Variants in ARPP21 observed in about 807,000 individuals in gnomAD.
ARPP21 encodes cAMP-regulated phosphoprotein 21.
A neutral mutation model predicts 113.2 loss-of-function variants in ARPP21; 69 were observed. The observed-to-expected ratio is 0.61, with a 90% confidence interval of 0.50 to 0.74. ARPP21 has a LOEUF of 0.74. ARPP21 is among the 30% of genes least tolerant of loss of function. ARPP21 has a pLI of 0.00. For synonymous variants in ARPP21, 368 were observed against 375.5 expected (o/e 0.98, Z 0.23); for missense variants, 1,070 against 1,037.4 (o/e 1.03, Z -0.43).
intron 19 of ARPP21, among the ~76,000 whole-genome samples, chr3:35,775,256 A>C (rs767897009): frequency 2.6e-5 from 4 of 152,170 alleles, no homozygotes; most frequent in Admixed American, 2.6e-4. Context: ...ATTAACTTAC[A>C]TGCATAGTGA....
At chr3:35,746,284 C>A (rs989714404) in intron 19 of ARPP21, among the ~76,000 whole-genome samples, 5 of 152,090 alleles carry the variant, frequency 3.3e-5, no homozygotes, top group Admixed American at 3.3e-4. Flanking sequence ...GTAACCAGAC[C>A]ACACAGTGGC....
intron 1 of ARPP21, among the ~76,000 whole-genome samples, chr3:35,675,798 AGATGATGATGATGAT>A (rs58955088): frequency 4.2e-4 from 63 of 149,354 alleles, no homozygotes; most frequent in Non-Finnish European, 7.2e-4. Context: ...GCTAAGATGA[AGATGATGATGATGAT>A]GATGATGATG....
chr3:35,665,480 G>A (rs916995960), intron 1 of ARPP21, among the ~76,000 whole-genome samples: 5 of 152,168 alleles, frequency 3.3e-5, no homozygotes, highest in African/African-American at 1.2e-4. Context: ...TGTGTACTTA[G>A]ATACCACACA....
chr3:35,712,024 T>A (rs1227551835), intron 11 of ARPP21, among the ~76,000 whole-genome samples: 1 of 152,164 alleles, frequency 6.6e-6, no homozygotes, highest in Non-Finnish European at 1.5e-5. Flanking sequence ...TGACCCTGTA[T>A]AAAGAGGCTA....
intron 19 of ARPP21, chr3:35,744,579 G>A (rs758100568): frequency 1.4e-5 from 7 of 512,026 alleles, no homozygotes; most frequent in Middle Eastern, 3.2e-4. Flanking sequence ...ATGGAATGCC[G>A]TTATCCAAAG....
At chr3:35,703,348 G>C (rs757530746) in intron 9 of ARPP21, among the ~76,000 whole-genome samples, 4 of 151,966 alleles carry the variant, frequency 2.6e-5, no homozygotes, top group Non-Finnish European at 5.9e-5. Context: ...CAGCCACACT[G>C]TTTGTCAATT....
At chr3:35,754,328 C>T (rs2095503400) in intron 19 of ARPP21, among the ~76,000 whole-genome samples, 1 of 151,896 alleles carries the variant, frequency 6.6e-6, no homozygotes, top group Non-Finnish European at 1.5e-5. Context: ...TTACACTTGA[C>T]AGCTCTGAGG....
In ARPP21 at chr3:35,706,941, CT is replaced by C. The variant is rs1287240735; in HGVS notation, c.687-27del. 3 of 1,551,738 alleles carry C rather than the reference CT, an allele frequency of 1.9e-6. No individual in the cohort carries two copies. In the African/African-American group the frequency reaches 4.1e-5, roughly 21 times the overall value. ...AATAACTTTAAACAAGGGGGAAAAA[CT>C]TTTTTATTGATATGTTTTACTTTGC... On this transcript the variant is annotated intron_variant, in intron 9 of 20. Coordinates refer to ENST00000684406, the MANE Select transcript of ARPP21 (RefSeq NM_001385562.1).
At chr3:35,718,918 A>G (rs868445504) in intron 13 of ARPP21, among the ~76,000 whole-genome samples, 1 of 152,050 alleles carries the variant, frequency 6.6e-6, no homozygotes, top group Non-Finnish European at 1.5e-5. Flanking sequence ...GCAAAAAAAA[A>G]AAAAAATGCA....
intron 15 of ARPP21, among the ~76,000 whole-genome samples, chr3:35,735,509 C>G (rs749738983): frequency 5.3e-5 from 8 of 152,218 alleles, no homozygotes; most frequent in Non-Finnish European, 1.0e-4. Context: ...GTTCTTTCCT[C>G]TGCCATCACA....
chr3:35,793,343 G>T (rs903061510), intron 20 of ARPP21, among the ~76,000 whole-genome samples: 21 of 152,202 alleles, frequency 1.4e-4, no homozygotes, highest in Admixed American at 7.8e-4. Context: ...GAGAAACCCA[G>T]AGTGGAAGAT....
intron 19 of ARPP21, among the ~76,000 whole-genome samples, chr3:35,748,542 G>T (rs2095279320): frequency 2.0e-5 from 3 of 152,082 alleles, no homozygotes; most frequent in African/African-American, 7.2e-5. Context: ...GCAGTTATCA[G>T]CTTATGGCTT....
chr3:35,743,731 G>T, intron 18 of ARPP21, 108 bp from the exon 19 acceptor site: 1 of 1,175,544 alleles, frequency 8.5e-7, no homozygotes, highest in Admixed American at 1.8e-5. Context: ...GTTTGCGGTG[G>T]CCATCTTCAC....
chr3:35,722,151 A>C (rs2093138895), intron 14 of ARPP21, among the ~76,000 whole-genome samples: 1 of 152,186 alleles, frequency 6.6e-6, no homozygotes, highest in African/African-American at 2.4e-5. Flanking sequence ...ATTTAAGTTT[A>C]CTCAGTAAAC....
At chr3:35,735,515 T>C (rs923482677) in intron 15 of ARPP21, among the ~76,000 whole-genome samples, 1 of 152,214 alleles carries the variant, frequency 6.6e-6, no homozygotes, top group African/African-American at 2.4e-5. Flanking sequence ...TCCTCTGCCA[T>C]CACACGCTTC....
intron 18 of ARPP21, among the ~76,000 whole-genome samples, chr3:35,742,208 A>G (rs1213359549): frequency 6.6e-6 from 1 of 152,232 alleles, no homozygotes; most frequent in Non-Finnish European, 1.5e-5. Context: ...ACATTTAAGC[A>G]AGACAGTCTT....
chr3:35,685,771 T>C, intron 5 of ARPP21: 1 of 944,982 alleles, frequency 1.1e-6, no homozygotes, highest in South Asian at 4.9e-5. Flanking sequence ...CTTGAATCAC[T>C]CTTTTACTGT....
intron 19 of ARPP21, among the ~76,000 whole-genome samples, chr3:35,768,745 T>C (rs1054132956): frequency 4.6e-5 from 7 of 152,212 alleles, no homozygotes; most frequent in African/African-American, 1.7e-4. Flanking sequence ...CTGCACCCTT[T>C]TCTAAATCAT....
chr3:35,667,162 A>C (rs2074585257), intron 1 of ARPP21, among the ~76,000 whole-genome samples: 1 of 152,206 alleles, frequency 6.6e-6, no homozygotes, highest in Non-Finnish European at 1.5e-5. Context: ...TACATTCTTT[A>C]ATCAAAATAC....
Sources: allele counts gnomAD v4.1 joint callset (sites outside exome capture counted in the v4.1 genomes callset), GRCh38; gene constraint gnomAD v4.1.1; transcripts MANE v1.5; gene names NCBI Gene and HGNC (gene_info 2026-07-23, HGNC 2026-07-21).